Variants in ZNF740 observed in about 807,000 individuals in gnomAD.
ZNF740 encodes oriLyt TD-element-binding protein 7.
A neutral mutation model predicts 24.8 loss-of-function variants in ZNF740; 14 were observed. The observed-to-expected ratio is 0.56, with a 90% confidence interval of 0.37 to 0.88. ZNF740 has a LOEUF of 0.88. ZNF740 is among the 40% of genes least tolerant of loss of function. ZNF740 has a pLI of 0.00. For synonymous variants in ZNF740, 69 were observed against 84.0 expected (o/e 0.82, Z 0.98); for missense variants, 201 against 247.9 (o/e 0.81, Z 1.27).
rs1212690830 is a variant in ZNF740 at position 53,191,520 on chromosome 12, AAGG to A, written c.*3933_*3935del. On this transcript the variant is annotated 3_prime_UTR_variant, in exon 7 of 7. Coordinates refer to ENST00000416904, the MANE Select transcript of ZNF740 (RefSeq NM_001004304.4). ...CACCCTCCAGTTCCCACTGTCCTCC[AAGG>A]AGAAGAGCCTTGGGTAAGTGTCCCT... 1 of 1,522,402 alleles carries A rather than the reference AAGG, an allele frequency of 6.6e-7. No individual in the cohort carries two copies. Among genetic ancestry groups the A allele is most frequent in the African/African-American group, 1.4e-5 (1 of 72,964 alleles). 94.3% of individuals were successfully genotyped at this position (1,522,402 alleles called of 1,614,324 possible).
intron 2 of ZNF740, among the ~76,000 whole-genome samples, chr12:53,184,128 T>G (rs961353718): frequency 8.2e-6 from 1 of 121,742 alleles, no homozygotes; most frequent in African/African-American, 3.6e-5. Context: ...TGTGTGTGTG[T>G]GTGTGTGTGT....
intron 2 of ZNF740, among the ~76,000 whole-genome samples, chr12:53,182,743 T>C (rs900489714): frequency 6.6e-6 from 1 of 152,058 alleles, no homozygotes; most frequent in African/African-American, 2.4e-5. Flanking sequence ...GGGATTTAAA[T>C]GGGGATAGTT....
At chr12:53,181,417 C>G in intron 1 of ZNF740, 1 of 985,452 alleles carries the variant, frequency 1.0e-6, no homozygotes, top group Non-Finnish European at 1.2e-6. Flanking sequence ...TCTTCCATTC[C>G]TGAGATGGCA....
rs761170594 is a variant in ZNF740, at chr12:53,180,905, C to T, written c.-308+68C>T. On this transcript the variant is annotated intron_variant, in intron 1 of 6. Coordinates refer to ENST00000416904, the MANE Select transcript of ZNF740 (RefSeq NM_001004304.4). ...GGCAGCGCTTCAGTAGCTCGCAAGC[C>T]GTGGGGTGCCGCGCGGGAAGGGGGA... 158 of 1,003,430 alleles carry T rather than the reference C, an allele frequency of 1.6e-4. No individual in the cohort carries two copies. The African/African-American group carries it at 3.1e-3, about 20-fold the overall frequency. The allele number at this position is 1,003,430 out of a possible 1,614,324, so 62.2% of individuals were successfully genotyped here.
rs767087706 is a variant in ZNF740 at position 53,194,339 on chromosome 12, C to G, written c.*6749C>G. The G allele has an allele frequency of 6.2e-7, 1 of 1,614,024 alleles. No individual in the cohort carries two copies. Among genetic ancestry groups the G allele is most frequent in the Admixed American group, 1.7e-5 (1 of 60,006 alleles). On this transcript the variant is annotated 3_prime_UTR_variant, in exon 7 of 7. Coordinates refer to ENST00000416904, the MANE Select transcript of ZNF740 (RefSeq NM_001004304.4). Reference sequence around the variant, plus strand: ...AGTGTTCAAGGGTCACGGTGGAAGACAGGCTCTATGGGAAGAGAGCGAGTG... The same window carrying G: ...AGTGTTCAAGGGTCACGGTGGAAGAGAGGCTCTATGGGAAGAGAGCGAGTG...
intron 2 of ZNF740, among the ~76,000 whole-genome samples, chr12:53,184,432 C>G (rs1184392632): frequency 2.0e-5 from 3 of 152,038 alleles, no homozygotes; most frequent in Non-Finnish European, 4.4e-5. Flanking sequence ...GTGATCCGCC[C>G]GCCTCATTCT....
In ZNF740 at chr12:53,192,092, TC is replaced by T; in HGVS notation, c.*4504del. On this transcript the variant is annotated 3_prime_UTR_variant, in exon 7 of 7. Transcript: ENST00000416904. ...CAGATCATCAGTTGCTCACAGTGTG[TC>T]CAGCCTGTCCAACCCTGTCTGTCAC... The T allele has an allele frequency of 6.6e-7, 1 of 1,517,044 alleles. No individual in the cohort carries two copies. The allele number at this position is 1,517,044 out of a possible 1,614,324, so 94.0% of individuals were successfully genotyped here.
rs756246529 is a variant in ZNF740 at position 53,193,144 on chromosome 12, G to A, written c.*5554G>A. On this transcript the variant is annotated 3_prime_UTR_variant, in exon 7 of 7. Coordinates refer to ENST00000416904, the MANE Select transcript of ZNF740 (RefSeq NM_001004304.4). The stretch of plus-strand genomic sequence containing the variant: ...TCTCCCCAAGGCTCCAGGTACCTCC[G>A]CAGAGGATGCCCTCATGTCGCTCAC... 45 of 1,607,316 alleles carry A rather than the reference G, an allele frequency of 2.8e-5. No individual in the cohort carries two copies. Among genetic ancestry groups the A allele is most frequent in the East Asian group, 1.8e-4 (8 of 44,700 alleles).
chr12:53,191,540 AGT>A lies in ZNF740; in HGVS notation c.*3953_*3954del. 1 of 1,594,206 alleles carries A rather than the reference AGT, an allele frequency of 6.3e-7. No homozygotes were observed. The highest frequency in any genetic ancestry group is 2.2e-5 in the East Asian group (1 of 44,762). The stretch of plus-strand genomic sequence containing the variant: ...CCTCCAAGGAGAAGAGCCTTGGGTA[AGT>A]GTCCCTCCCTCCTTCAGAGAGTGGG... On this transcript the variant is annotated 3_prime_UTR_variant, in exon 7 of 7. Coordinates refer to ENST00000416904, the MANE Select transcript of ZNF740 (RefSeq NM_001004304.4).
Position 53,189,564 on chromosome 12 carries a change from T to G in ZNF740, c.*1974T>G, listed in dbSNP as rs1482548320. ...TTTTCCCTGACAGCATCTGAGATCC[T>G]TTTGGGGAGACGCTGAGGAGTGTTT... is the stretch of plus-strand genomic sequence containing the variant. On this transcript the variant is annotated 3_prime_UTR_variant, in exon 7 of 7. Transcript: ENST00000416904. The G allele has an allele frequency of 6.6e-6, 1 of 152,126 alleles. No individual in the cohort carries two copies. Among genetic ancestry groups the G allele is most frequent in the East Asian group, 1.9e-4 (1 of 5,182 alleles). 9.4% of individuals were successfully genotyped at this position (152,126 alleles called of 1,614,324 possible).
intron 2 of ZNF740, among the ~76,000 whole-genome samples, chr12:53,184,150 T>TGTGTGTGTGTGTGTGTGTGCGCGC (rs59250662): frequency 9.6e-6 from 1 of 104,346 alleles, no homozygotes; most frequent in African/African-American, 3.7e-5. Context: ...TGTGTGTGTG[T>TGTGTGTGTGTGTGTGTGTGCGCGC]GCGCGCGCGC....
intron 4 of ZNF740, 32 bp downstream of exon 4, chr12:53,185,508 C>G: frequency 1.3e-6 from 2 of 1,578,900 alleles, no homozygotes; most frequent in Non-Finnish European, 1.7e-6. Context: ...CAAACTCATA[C>G]AGTTTGGTAA....
chr12:53,182,191 G>A, intron 2 of ZNF740, 199 bp downstream of exon 2: 1 of 687,272 alleles, frequency 1.5e-6, no homozygotes, highest in Non-Finnish European at 2.4e-6. Flanking sequence ...AATGAAGGAG[G>A]TAGGCTATAC....
intron 4 of ZNF740, 29 bp from the exon 5 acceptor site, chr12:53,185,925 C>A: frequency 6.2e-7 from 1 of 1,611,552 alleles, no homozygotes; most frequent in Non-Finnish European, 8.5e-7. Flanking sequence ...CAGTGGTGGC[C>A]TCATGACATG....
chr12:53,187,800 TC>T lies in ZNF740; in HGVS notation c.*211del. The T allele has an allele frequency of 1.8e-6, 1 of 550,744 alleles. No homozygotes were observed. The highest frequency in any genetic ancestry group is 3.3e-6 in the Non-Finnish European group (1 of 305,388). The allele number at this position is 550,744 out of a possible 1,614,324, so 34.1% of individuals were successfully genotyped here. A position where few individuals can be genotyped will look rare whatever the true frequency, so the allele number is the denominator to read the frequency against. On this transcript the variant is annotated 3_prime_UTR_variant, in exon 7 of 7. Coordinates refer to ENST00000416904, the MANE Select transcript of ZNF740 (RefSeq NM_001004304.4). ...GAGACTATGAGTATCTCGGGGAAGTTCTTACAGCATTCCTGGGTAGGGGAGC... is the reference window on the plus strand; with the variant it reads ...GAGACTATGAGTATCTCGGGGAAGTTTTACAGCATTCCTGGGTAGGGGAGC...
intron 3 of ZNF740, 51 bp downstream of exon 3, chr12:53,185,091 C>G (rs1941797459): frequency 1.2e-6 from 2 of 1,608,158 alleles, no homozygotes; most frequent in African/African-American, 1.3e-5. Flanking sequence ...GGCCCAAGCT[C>G]TCTGCCAGGA....
Position 53,185,392 on chromosome 12 carries a change from C to T in ZNF740, c.165C>T (p.His55=). 1.2e-6 allele frequency: 2 copies of T among 1,613,920 alleles called. No homozygotes were observed. The highest frequency in any genetic ancestry group is 1.1e-5 in the South Asian group (1 of 91,068). ...PDVLRCSSQG[H]RKDSDKSRSR... ...GATTTGATTTGTCTTCAAAGGGTCA[C>T]CGAAAAGACAGTGATAAGTCCCGGA... Residue 55 remains histidine, a synonymous_variant, in exon 4 of 7, where the codon CAC becomes CAT. Coordinates refer to ENST00000416904, the MANE Select transcript of ZNF740 (RefSeq NM_001004304.4).
chr12:53,181,222 C>T, intron 1 of ZNF740: 7 of 985,456 alleles, frequency 7.1e-6, no homozygotes, highest in Non-Finnish European at 8.4e-6. Context: ...GCAAGTTTCC[C>T]TACCTTCGGG....
rs775191746 is a variant in ZNF740, at chr12:53,193,285, G to A, written c.*5695G>A. On this transcript the variant is annotated 3_prime_UTR_variant, in exon 7 of 7. Transcript: ENST00000416904. ...GGGGCCCTGTGCCATTGGGAGCCCG[G>A]CACCCAGATTCCAGGTCTGGGGAGG... 1.9e-6 allele frequency: 3 copies of A among 1,613,028 alleles called. No individual in the cohort carries two copies. The highest frequency in any genetic ancestry group is 3.3e-5 in the Admixed American group (2 of 59,962).
Sources: gnomAD v4.1 joint callset for allele counts (sites outside exome capture counted in the v4.1 genomes callset) on GRCh38, gnomAD v4.1.1 for gene constraint, MANE v1.5 for transcripts, NCBI Gene and HGNC (gene_info 2026-07-23, HGNC 2026-07-21) for gene names.